Variants in ATP6V1E2 observed in about 807,000 individuals in gnomAD.
ATP6V1E2 encodes V-type proton ATPase subunit E 2.
For missense variants in ATP6V1E2, 308 were observed against 273.3 expected (o/e 1.13, Z -0.90); for synonymous variants, 121 against 104.2 (o/e 1.16, Z -0.98).
At chr2:46,515,814 A>G (rs1383752311) in intron 4 of ATP6V1E2, among the ~76,000 whole-genome samples, 1 of 152,220 alleles carries the variant, frequency 6.6e-6, no homozygotes, top group Non-Finnish European at 1.5e-5. Flanking sequence ...GGACACACAC[A>G]GGCTGAGGGT....
intron 4 of ATP6V1E2, among the ~76,000 whole-genome samples, chr2:46,522,170 G>A (rs924138582): frequency 6.6e-6 from 1 of 151,384 alleles, no homozygotes; most frequent in Non-Finnish European, 1.5e-5. Flanking sequence ...TGCGCCTGTG[G>A]TCCTAGCTAC....
chr2:46,518,490 A>AACACACAC (rs10546147), intron 4 of ATP6V1E2, among the ~76,000 whole-genome samples: 19,422 of 140,610 alleles, frequency 0.14, 1,760 homozygotes, highest in Non-Finnish European at 0.21. Context: ...ACACACACAC[A>AACACACAC]ACACACACAC....
At position 46,542,260 on chromosome 2, in the gene ATP6V1E2, T is replaced by TA. The variant is rs1228865986; in HGVS notation, c.-418dup. 3.3e-5 allele frequency: 5 copies of TA among 151,602 alleles called. No individual in the cohort carries two copies. The highest frequency in any genetic ancestry group is 6.6e-5 in the Admixed American group (1 of 15,248). The allele number at this position is 151,602 out of a possible 1,614,324, so 9.4% of individuals were successfully genotyped here. A position where few individuals can be genotyped will look rare whatever the true frequency, so the allele number is the denominator to read the frequency against. ...TTGATTTCTAGTTCCGTTGTGCACT[T>TA]AGAGGCCGAGAGGATGGCTCTGGCC... On this transcript the variant is annotated 5_prime_UTR_variant, in exon 1 of 5. The change abolishes the stop of an existing upstream ORF in the 5' untranslated region. Coordinates refer to ENST00000522587, the MANE Select transcript of ATP6V1E2 (RefSeq NM_001318063.2).
intron 4 of ATP6V1E2, among the ~76,000 whole-genome samples, chr2:46,524,256 G>A (rs1318889073): frequency 1.3e-5 from 2 of 152,090 alleles, no homozygotes; most frequent in African/African-American, 2.4e-5. Flanking sequence ...AACCAGGTAG[G>A]GGATGGTTTG....
At position 46,519,628 on chromosome 2, in the gene ATP6V1E2, C is replaced by T. The variant is rs114949753; in HGVS notation, c.-101-6816G>A. The T allele has an allele frequency of 3.1e-3, 471 of 152,374 alleles. 1 individual carries two copies. The highest frequency in any genetic ancestry group is 0.011 in the African/African-American group (453 of 41,558). 9.4% of individuals were successfully genotyped at this position (152,374 alleles called of 1,614,324 possible). A position where few individuals can be genotyped will look rare whatever the true frequency, so the allele number is the denominator to read the frequency against. ...TTGGCAAAGCAGTATACCCCTCAAGCCCTCAGTTTCTTCATCTGTATAATA... is the reference window on the plus strand; with the variant it reads ...TTGGCAAAGCAGTATACCCCTCAAGTCCTCAGTTTCTTCATCTGTATAATA... On this transcript the variant is annotated intron_variant, in intron 4 of 4. Coordinates refer to ENST00000522587, the MANE Select transcript of ATP6V1E2 (RefSeq NM_001318063.2).
intron 2 of ATP6V1E2, among the ~76,000 whole-genome samples, chr2:46,538,618 A>G (rs908088903): frequency 2.0e-5 from 3 of 151,994 alleles, no homozygotes; most frequent in African/African-American, 7.3e-5. Flanking sequence ...GCCCTTTGTG[A>G]TGGGGGAGTA....
In ATP6V1E2 at chr2:46,512,001, G is replaced by T; in HGVS notation, c.*30C>A. The stretch of plus-strand genomic sequence containing the variant: ...AAAACTTAAACTTTTATGGTTTAGT[G>T]GTTCAACACTAGCTTCACTTCCCAG... On this transcript the variant is annotated 3_prime_UTR_variant, in exon 5 of 5. Transcript: ENST00000522587. 1.3e-6 allele frequency: 2 copies of T among 1,528,378 alleles called. No individual in the cohort carries two copies. The highest frequency in any genetic ancestry group is 1.8e-6 in the Non-Finnish European group (2 of 1,140,864). 94.7% of individuals were successfully genotyped at this position (1,528,378 alleles called of 1,614,324 possible).
intron 4 of ATP6V1E2, among the ~76,000 whole-genome samples, chr2:46,516,061 A>T (rs1378341555): frequency 1.3e-5 from 2 of 152,244 alleles, no homozygotes; most frequent in Admixed American, 6.5e-5. Context: ...GAAGAAATAG[A>T]CAGCAATACA....
rs1322166007 is a variant in ATP6V1E2, at chr2:46,533,216, T to TAGAC, written c.-102+2596_-102+2597insGTCT. The stretch of plus-strand genomic sequence containing the variant: ...GTGCATGTATGTGTAGATAGATAGA[T>TAGAC]AGATAGATAGATAGATAGATAGATA... On this transcript the variant is annotated intron_variant, in intron 4 of 4. Coordinates refer to ENST00000522587, the MANE Select transcript of ATP6V1E2 (RefSeq NM_001318063.2). Among the ~76,000 whole-genome samples, 130 of 75,004 alleles carry TAGAC rather than the reference T, an allele frequency of 1.7e-3. 1 individual carries two copies. Among genetic ancestry groups the TAGAC allele is most frequent in the African/African-American group, 2.2e-3 (61 of 27,478 alleles). The allele number at this position is 75,004 out of a possible 152,430, so 49.2% of individuals were successfully genotyped here. A position where few individuals can be genotyped will look rare whatever the true frequency, so the allele number is the denominator to read the frequency against.
At chr2:46,539,631 A>G (rs1002535163) in intron 2 of ATP6V1E2, among the ~76,000 whole-genome samples, 2 of 152,202 alleles carry the variant, frequency 1.3e-5, no homozygotes, top group Non-Finnish European at 2.9e-5. Context: ...CCTGCATTAT[A>G]TGGTTCCCAA....
chr2:46,514,077 C>G (rs1384206830), intron 4 of ATP6V1E2, among the ~76,000 whole-genome samples: 2 of 151,848 alleles, frequency 1.3e-5, no homozygotes, highest in Non-Finnish European at 2.9e-5. Flanking sequence ...GTCAATAGTT[C>G]AAGACCAGCC....
intron 4 of ATP6V1E2, among the ~76,000 whole-genome samples, chr2:46,518,488 ACAACACACACACACAC>A (rs1558657659): frequency 2.7e-5 from 2 of 73,334 alleles, no homozygotes; most frequent in African/African-American, 1.2e-4. Flanking sequence ...ACACACACAC[ACAACACACACACACAC>A]ACACACACAC....
intron 4 of ATP6V1E2, among the ~76,000 whole-genome samples, chr2:46,533,946 T>G (rs1038862501): frequency 6.6e-6 from 1 of 152,226 alleles, no homozygotes; most frequent in African/African-American, 2.4e-5. Flanking sequence ...ATATCTGTCT[T>G]TGTTCCCTGT....
intron 4 of ATP6V1E2, among the ~76,000 whole-genome samples, chr2:46,515,853 A>G (rs1319063109): frequency 2.0e-5 from 3 of 152,230 alleles, no homozygotes; most frequent in Non-Finnish European, 2.9e-5. Context: ...ATTCCATGCA[A>G]AAGTAACAAG....
At position 46,512,446 on chromosome 2, in the gene ATP6V1E2, T is replaced by C; in HGVS notation, c.266A>G (p.Asp89Gly). The change falls in exon 5 of 5, where the codon GAC becomes GGC. Residue 89 changes from aspartate to glycine, a missense_variant. Coordinates refer to ENST00000522587, the MANE Select transcript of ATP6V1E2 (RefSeq NM_001318063.2). ...CTCACTGAGCAAATCTGAGATGAGG[T>C]CATTTCGGGCTCTCAGGACTTTCAG... is the stretch of plus-strand genomic sequence containing the variant. ...ARLKVLRARN[D>G]LISDLLSEAK... is the part of the protein sequence containing the mutation. The C allele has an allele frequency of 6.2e-7, 1 of 1,614,138 alleles. No individual in the cohort carries two copies. Among genetic ancestry groups the C allele is most frequent in the Non-Finnish European group, 8.5e-7 (1 of 1,180,026 alleles).
At chr2:46,513,974 T>C (rs1687593707) in intron 4 of ATP6V1E2, among the ~76,000 whole-genome samples, 1 of 152,168 alleles carries the variant, frequency 6.6e-6, no homozygotes, top group Admixed American at 6.5e-5. Context: ...TCTGAACCAC[T>C]TGGAGGATCT....
chr2:46,519,652 T>C (rs1666502935), intron 4 of ATP6V1E2: 2 of 152,220 alleles, frequency 1.3e-5, no homozygotes, highest in Non-Finnish European at 2.9e-5. Flanking sequence ...ATCTGTATAA[T>C]AAAAATAATA....
rs989762980 is a variant in ATP6V1E2 at position 46,534,409 on chromosome 2, G to GT, written c.-102+1403dup. On this transcript the variant is annotated intron_variant, in intron 4 of 4. Transcript: ENST00000522587. ...ATTTGGTTATTTTCTATATCTTCCAGTTTTTTCTTCACTATGTTCATGTTT... is the reference window on the plus strand; with the variant it reads ...ATTTGGTTATTTTCTATATCTTCCAGTTTTTTTCTTCACTATGTTCATGTTT... The GT allele has an allele frequency of 5.9e-5, 9 of 152,014 alleles. No individual in the cohort carries two copies. In the East Asian group the frequency reaches 1.5e-3, roughly 26 times the overall value. The allele number at this position is 152,014 out of a possible 1,614,324, so 9.4% of individuals were successfully genotyped here.
chr2:46,515,287 G>C (rs770922822), intron 4 of ATP6V1E2, among the ~76,000 whole-genome samples: 8 of 152,092 alleles, frequency 5.3e-5, no homozygotes, highest in Non-Finnish European at 1.0e-4. Context: ...AAGTTAAAAG[G>C]CAAAAGTATA....
Sources: allele counts gnomAD v4.1 joint callset (sites outside exome capture counted in the v4.1 genomes callset), GRCh38; gene constraint gnomAD v4.1.1; transcripts MANE v1.5; gene names NCBI Gene and HGNC (gene_info 2026-07-23, HGNC 2026-07-21).